Variants in TSHZ1 observed in about 807,000 individuals in gnomAD.
TSHZ1 encodes the protein teashirt homolog 1.
Under a neutral mutation model 67.1 loss-of-function variants are expected in TSHZ1, and 12 were observed. That is an observed-to-expected ratio of 0.18 (90% CI 0.11 to 0.29). TSHZ1 has a LOEUF of 0.29. Among genes scored for constraint, TSHZ1 ranks in the 10% least tolerant of loss-of-function variants. The pLI is 1.00. For missense variants in TSHZ1, 1,305 were observed against 1,413.9 expected (o/e 0.92, Z 1.23); for synonymous variants, 632 against 622.4 (o/e 1.02, Z -0.23).
intron 1 of TSHZ1, among the ~76,000 whole-genome samples, chr18:75,229,758 G>A (rs2022973352): frequency 6.6e-6 from 1 of 152,238 alleles, no homozygotes; most frequent in African/African-American, 2.4e-5. Flanking sequence ...AAGTCAGGCA[G>A]TGGACTGGTT....
chr18:75,278,525 C>G (rs1393166638), intron 1 of TSHZ1, among the ~76,000 whole-genome samples: 1 of 152,140 alleles, frequency 6.6e-6, no homozygotes, highest in Non-Finnish European at 1.5e-5. Flanking sequence ...GCCCTGGGAT[C>G]TGGTGCTCTC....
intron 1 of TSHZ1, among the ~76,000 whole-genome samples, chr18:75,213,022 T>C (rs922300092): frequency 6.6e-6 from 1 of 152,234 alleles, no homozygotes. Flanking sequence ...TGTTTAAACA[T>C]GAGCGACTCT....
At chr18:75,250,576 C>G (rs2023288876) in intron 1 of TSHZ1, among the ~76,000 whole-genome samples, 1 of 152,228 alleles carries the variant, frequency 6.6e-6, no homozygotes, top group Admixed American at 6.5e-5. Context: ...AGAGGGTCGG[C>G]TCAGCCAGTG....
intron 1 of TSHZ1, among the ~76,000 whole-genome samples, chr18:75,220,596 T>C (rs2022833596): frequency 6.6e-6 from 1 of 152,242 alleles, no homozygotes; most frequent in Non-Finnish European, 1.5e-5. Context: ...TAGATTCCAT[T>C]GTCTTACAGT....
chr18:75,276,342 TGGCAG>T (rs2023613590), intron 1 of TSHZ1, among the ~76,000 whole-genome samples: 1 of 152,164 alleles, frequency 6.6e-6, no homozygotes, highest in South Asian at 2.1e-4. Context: ...CAGCTTTGCT[TGGCAG>T]GGTGTCAGTC....
rs1418511162 is a variant in TSHZ1, at chr18:75,211,764, A to G, written c.-113A>G. 3.4e-6 allele frequency: 2 copies of G among 585,572 alleles called. No individual in the cohort carries two copies. Among genetic ancestry groups the G allele is most frequent in the African/African-American group, 4.1e-5 (2 of 48,362 alleles). The allele number at this position is 585,572 out of a possible 1,614,324, so 36.3% of individuals were successfully genotyped here. Reference sequence around the variant, plus strand: ...CGCCCGGAGCCCGGAGCCCGCGGGGACGAGGCCAAAGTTGGGCGCGCCGCG... The same window carrying G: ...CGCCCGGAGCCCGGAGCCCGCGGGGGCGAGGCCAAAGTTGGGCGCGCCGCG... On this transcript the variant is annotated 5_prime_UTR_variant, in exon 1 of 2. Transcript: ENST00000580243.
intron 1 of TSHZ1, among the ~76,000 whole-genome samples, chr18:75,257,975 G>A (rs1014876742): frequency 6.6e-6 from 1 of 152,220 alleles, no homozygotes; most frequent in South Asian, 2.1e-4. Context: ...ATCAGAGGGG[G>A]CATCTGGACT....
intron 1 of TSHZ1, chr18:75,245,290 G>A (rs925048925): frequency 2.6e-5 from 4 of 152,200 alleles, no homozygotes; most frequent in African/African-American, 4.8e-5. Flanking sequence ...AGTTGGATGC[G>A]GGAAATAGCC....
At chr18:75,238,385 G>A (rs2023108743) in intron 1 of TSHZ1, among the ~76,000 whole-genome samples, 1 of 152,194 alleles carries the variant, frequency 6.6e-6, no homozygotes, top group African/African-American at 2.4e-5. Context: ...CACCTGTGCG[G>A]GGTACGTTGG....
chr18:75,285,268 G>T, intron 1 of TSHZ1, 180 bp from the exon 2 acceptor site: 1 of 585,432 alleles, frequency 1.7e-6, no homozygotes, highest in Non-Finnish European at 2.7e-6. Flanking sequence ...ACACTCAGGA[G>T]GGGACAGCAC....
At chr18:75,235,503 A>G (rs2023056403) in intron 1 of TSHZ1, among the ~76,000 whole-genome samples, 1 of 152,134 alleles carries the variant, frequency 6.6e-6, no homozygotes, top group African/African-American at 2.4e-5. Context: ...CATTTCTCCA[A>G]CTGCTGGCCC....
At chr18:75,269,737 C>T (rs1325236260) in intron 1 of TSHZ1, among the ~76,000 whole-genome samples, 2 of 152,180 alleles carry the variant, frequency 1.3e-5, no homozygotes, top group Non-Finnish European at 2.9e-5. Flanking sequence ...ATCACCACCC[C>T]ATCCATTCCC....
intron 1 of TSHZ1, among the ~76,000 whole-genome samples, chr18:75,224,962 G>A (rs763462671): frequency 3.3e-5 from 5 of 151,984 alleles, no homozygotes; most frequent in African/African-American, 9.7e-5. Context: ...GGAGGAAGTC[G>A]CCGTCATGAA....
At chr18:75,258,606 A>G (rs1049032432) in intron 1 of TSHZ1, among the ~76,000 whole-genome samples, 2 of 152,208 alleles carry the variant, frequency 1.3e-5, no homozygotes, top group African/African-American at 2.4e-5. Flanking sequence ...GATACAGTAT[A>G]TAAATGTGTG....
intron 1 of TSHZ1, among the ~76,000 whole-genome samples, chr18:75,240,418 G>C (rs1054512296): frequency 1.4e-4 from 21 of 151,324 alleles, no homozygotes; most frequent in Non-Finnish European, 2.1e-4. Flanking sequence ...GAGTTATATA[G>C]ATAATTGTGA....
rs368540350 is a variant in TSHZ1, at chr18:75,258,789, C to T, written c.41-26659C>T. On this transcript the variant is annotated intron_variant, in intron 1 of 1. Coordinates refer to ENST00000580243, the MANE Select transcript of TSHZ1 (RefSeq NM_001308210.2). ...GCCATCCAGGACTGCCCTCCTCACT[C>T]GAGCTCACAGTGAAGATCAGGGCAG... Among the ~76,000 whole-genome samples the T allele has an allele frequency of 8.3e-4, 127 of 152,250 alleles. 1 individual carries two copies. Among genetic ancestry groups the T allele is most frequent in the African/African-American group, 2.9e-3 (121 of 41,544 alleles).
At chr18:75,235,367 C>T (rs1281178139) in intron 1 of TSHZ1, among the ~76,000 whole-genome samples, 2 of 152,176 alleles carry the variant, frequency 1.3e-5, no homozygotes, top group Non-Finnish European at 2.9e-5. Flanking sequence ...TTGACCTCAA[C>T]ATCAAAACTT....
chr18:75,243,496 A>G (rs946797321), intron 1 of TSHZ1, among the ~76,000 whole-genome samples: 2 of 151,602 alleles, frequency 1.3e-5, no homozygotes, highest in Non-Finnish European at 2.9e-5. Flanking sequence ...AAACCCAGAA[A>G]GATACTGCTT....
chr18:75,282,008 C>T (rs1039683415), intron 1 of TSHZ1, among the ~76,000 whole-genome samples: 9 of 152,234 alleles, frequency 5.9e-5, no homozygotes, highest in Non-Finnish European at 1.0e-4. Context: ...CCCCCTCCTT[C>T]GACGTCCGCA....
Sources: gnomAD v4.1 joint callset for allele counts (sites outside exome capture counted in the v4.1 genomes callset) on GRCh38, gnomAD v4.1.1 for gene constraint, MANE v1.5 for transcripts, NCBI Gene and HGNC (gene_info 2026-07-23, HGNC 2026-07-21) for gene names.